The following PRKCE variants were observed in gnomAD, a reference collection of about 807,000 sequenced individuals.
The protein encoded by PRKCE is protein kinase C epsilon type.
PRKCE carries 16 observed loss-of-function variants against 85.4 expected under a neutral mutation model. The ratio of observed to expected loss-of-function variants is 0.19; its 90% CI spans 0.13 to 0.28. The LOEUF (loss-of-function observed/expected upper bound fraction) is 0.28, where lower values mean the gene tolerates loss of function less well. Among genes scored for constraint, PRKCE ranks in the 10% least tolerant of loss-of-function variants. The pLI is 1.00. For missense variants in PRKCE, 573 were observed against 975.2 expected, an observed-to-expected ratio of 0.59 and a Z score of 5.49; for synonymous variants, 388 against 371.5, an observed-to-expected ratio of 1.04 and a Z score of -0.51.
At chr2:45,913,915 C>A (rs1367038220) in intron 2 of PRKCE, among the ~76,000 whole-genome samples, 1 of 152,188 alleles carries the variant, frequency 6.6e-6, no homozygotes, top group African/African-American at 2.4e-5. Context: ...GTCTGTTCCT[C>A]AAGTCTTAGA....
intron 1 of PRKCE, among the ~76,000 whole-genome samples, chr2:45,667,508 G>C (rs962174101): frequency 6.6e-6 from 1 of 151,966 alleles, no homozygotes; most frequent in South Asian, 2.1e-4. Context: ...ACTTCCTTTG[G>C]GTATTTGCAC....
intron 1 of PRKCE, among the ~76,000 whole-genome samples, chr2:45,728,679 C>A (rs1295971328): frequency 6.6e-6 from 1 of 152,194 alleles, no homozygotes; most frequent in Non-Finnish European, 1.5e-5. Context: ...GGTTGCCTGA[C>A]TGTAAGTTGA....
At chr2:46,013,783 G>GA (rs909087828) in intron 10 of PRKCE, among the ~76,000 whole-genome samples, 11 of 152,000 alleles carry the variant, frequency 7.2e-5, no homozygotes, top group Admixed American at 2.6e-4. Flanking sequence ...CAATATATCG[G>GA]AAAAAAATGG....
intron 11 of PRKCE, among the ~76,000 whole-genome samples, chr2:46,108,901 C>CT (rs1244995500): frequency 3.7e-4 from 53 of 145,114 alleles, no homozygotes; most frequent in Admixed American, 4.1e-4. Flanking sequence ...TGTCTAGGTT[C>CT]TTTTTTTTTT....
At chr2:46,148,550 C>A (rs1226871160) in intron 12 of PRKCE, among the ~76,000 whole-genome samples, 1 of 152,224 alleles carries the variant, frequency 6.6e-6, no homozygotes, top group African/African-American at 2.4e-5. Flanking sequence ...CACTGTAGCA[C>A]CCAGTGTGCC....
intron 5 of PRKCE, among the ~76,000 whole-genome samples, 176 bp downstream of exon 5, chr2:45,980,557 G>A (rs892501250): frequency 2.6e-5 from 4 of 152,220 alleles, no homozygotes; most frequent in African/African-American, 9.6e-5. Context: ...CCATCCGCAG[G>A]ATGAGCACAG....
chr2:45,979,125 C>A, intron 4 of PRKCE, 115 bp downstream of exon 4: 3 of 984,172 alleles, frequency 3.0e-6, no homozygotes, highest in Non-Finnish European at 4.6e-6. Flanking sequence ...CCACAGCTTG[C>A]ATGCTTTCTT....
At chr2:46,152,267 C>G (rs1253353578) in intron 13 of PRKCE, among the ~76,000 whole-genome samples, 2 of 151,420 alleles carry the variant, frequency 1.3e-5, no homozygotes, top group African/African-American at 4.9e-5. Flanking sequence ...CTGCAATCTC[C>G]TCCTCCCAGG....
intron 14 of PRKCE, among the ~76,000 whole-genome samples, chr2:46,165,792 G>A (rs1387560289): frequency 6.6e-6 from 1 of 152,160 alleles, no homozygotes; most frequent in African/African-American, 2.4e-5. Flanking sequence ...TGGCTCCCAG[G>A]GCTTCAGCAC....
At chr2:46,067,919 G>C (rs1176171832) in intron 10 of PRKCE, among the ~76,000 whole-genome samples, 3 of 152,088 alleles carry the variant, frequency 2.0e-5, no homozygotes, top group African/African-American at 7.2e-5. Flanking sequence ...GGGTTTCCTG[G>C]CATTAGATTG....
chr2:46,005,485 A>G (rs1169259039), intron 8 of PRKCE, among the ~76,000 whole-genome samples: 2 of 152,010 alleles, frequency 1.3e-5, no homozygotes, highest in Non-Finnish European at 2.9e-5. Flanking sequence ...TACCCACTCT[A>G]TGTTGGTGCT....
chr2:45,723,924 G>A (rs553953784), intron 1 of PRKCE, among the ~76,000 whole-genome samples: 3 of 152,092 alleles, frequency 2.0e-5, no homozygotes, highest in Non-Finnish European at 4.4e-5. Context: ...CTTTTAATTT[G>A]TTCATTCTGT....
At chr2:45,807,352 G>A (rs1000629377) in intron 1 of PRKCE, among the ~76,000 whole-genome samples, 1 of 139,782 alleles carries the variant, frequency 7.2e-6, no homozygotes, top group African/African-American at 3.4e-5. Flanking sequence ...CAACTGGACA[G>A]TGTCTTCTGG....
In PRKCE at chr2:45,695,377, T is replaced by C. The variant is rs1287463639; in HGVS notation, c.348+42929T>C. ...TCATTACAGTCTTTCTTTCCTTTTCTGCAGGGAGATGGTGTATGTGTTAGA... is the reference window on the plus strand; with the variant it reads ...TCATTACAGTCTTTCTTTCCTTTTCCGCAGGGAGATGGTGTATGTGTTAGA... On this transcript the variant is annotated intron_variant, in intron 1 of 14. Transcript: ENST00000306156. Among the ~76,000 whole-genome samples the C allele has an allele frequency of 3.9e-5, 6 of 152,310 alleles. No homozygotes were observed. In the East Asian group the frequency reaches 1.2e-3, roughly 29 times the overall value.
chr2:45,848,393 C>A (rs1247282779), intron 2 of PRKCE, among the ~76,000 whole-genome samples: 1 of 152,172 alleles, frequency 6.6e-6, no homozygotes, highest in Non-Finnish European at 1.5e-5. Context: ...TTACTGCAAC[C>A]TTTGCCTCCT....
chr2:46,073,386 T>C (rs1465912877), intron 10 of PRKCE: 1 of 152,214 alleles, frequency 6.6e-6, no homozygotes, highest in Admixed American at 6.5e-5. Flanking sequence ...TTCAAATATT[T>C]TAAGAGTTTC....
intron 2 of PRKCE, among the ~76,000 whole-genome samples, chr2:45,933,980 C>T (rs1216210038): frequency 6.6e-6 from 1 of 152,144 alleles, no homozygotes; most frequent in East Asian, 1.9e-4. Context: ...TGAATTTTAT[C>T]CAGTGAATTT....
chr2:45,903,492 T>G (rs73926107), intron 2 of PRKCE, among the ~76,000 whole-genome samples: 3,245 of 152,198 alleles, frequency 0.021, 106 homozygotes, highest in African/African-American at 0.074. Flanking sequence ...AAGATTAGGG[T>G]TGCAGGTAAG....
At chr2:45,812,124 C>G (rs7593913) in intron 1 of PRKCE, among the ~76,000 whole-genome samples, 48 of 152,200 alleles carry the variant, frequency 3.2e-4, no homozygotes, top group African/African-American at 1.2e-3. Flanking sequence ...AGTCACCCCA[C>G]CTCTCTGAGT....
Sources: allele counts gnomAD v4.1 joint callset (sites outside exome capture counted in the v4.1 genomes callset), GRCh38; gene constraint gnomAD v4.1.1; transcripts MANE v1.5; gene names NCBI Gene and HGNC (gene_info 2026-07-23, HGNC 2026-07-21).